The following ARL15 variants were observed in gnomAD, a reference collection of about 807,000 sequenced individuals.
The protein encoded by ARL15 is ARF like GTPase 15.
In ARL15, 19 loss-of-function variants were observed where a neutral mutation model predicts 25.2. The ratio of observed to expected loss-of-function variants is 0.75; its 90% CI spans 0.53 to 1.10. ARL15 has a LOEUF of 1.10. Ranked by LOEUF, ARL15 falls within the 50% of genes least tolerant of loss-of-function variation. The pLI is 0.00. For missense variants in ARL15, 220 were observed against 246.0 expected (o/e 0.89, Z 0.71); for synonymous variants, 94 against 86.8 (o/e 1.08, Z -0.46).
intron 4 of ARL15, among the ~76,000 whole-genome samples, chr5:54,081,402 G>A (rs1047363195): frequency 2.0e-5 from 3 of 151,976 alleles, no homozygotes; most frequent in Non-Finnish European, 2.9e-5. Flanking sequence ...CCTTACCACC[G>A]CTCCATCTGA....
At chr5:54,069,256 T>C (rs1184216912) in intron 4 of ARL15, among the ~76,000 whole-genome samples, 2 of 150,812 alleles carry the variant, frequency 1.3e-5, no homozygotes, top group African/African-American at 5.0e-5. Flanking sequence ...TGAATCTTTG[T>C]CCCCTCCAAA....
intron 4 of ARL15, among the ~76,000 whole-genome samples, chr5:53,928,645 C>T (rs1297872825): frequency 1.3e-5 from 2 of 152,022 alleles, no homozygotes; most frequent in Non-Finnish European, 2.9e-5. Flanking sequence ...CATATTAATC[C>T]TCCCGCCCTC....
At chr5:54,294,342 T>C (rs1371763312) in intron 1 of ARL15, among the ~76,000 whole-genome samples, 2 of 152,196 alleles carry the variant, frequency 1.3e-5, no homozygotes, top group African/African-American at 2.4e-5. Flanking sequence ...TGGAGTTCAG[T>C]AGTTGAAAGA....
At chr5:54,036,804 T>C (rs560903539) in intron 4 of ARL15, among the ~76,000 whole-genome samples, 1 of 152,276 alleles carries the variant, frequency 6.6e-6, no homozygotes, top group South Asian at 2.1e-4. Flanking sequence ...TAAATAGATT[T>C]AGTGTTTTGT....
rs573102815 is a variant in ARL15, at chr5:54,306,468, G to T, written c.48+3964C>A. Among the ~76,000 whole-genome samples the T allele has an allele frequency of 2.1e-5, 3 of 145,456 alleles. No homozygotes were observed. In the East Asian group the frequency reaches 6.0e-4, roughly 29 times the overall value. ...TGGAGTGCAGTTGTGCGATCTCACT[G>T]CAACCTCTGCCTCCTGGGTTCAAGC... is the stretch of plus-strand genomic sequence containing the variant. On this transcript the variant is annotated intron_variant, in intron 1 of 4. Transcript: ENST00000504924.
intron 4 of ARL15, among the ~76,000 whole-genome samples, chr5:54,024,918 G>A (rs1051826635): frequency 5.9e-5 from 9 of 151,904 alleles, no homozygotes; most frequent in Non-Finnish European, 1.0e-4. Flanking sequence ...AAGTTAATGT[G>A]GAATAAACAT....
At chr5:54,186,612 A>G (rs1328507918) in intron 1 of ARL15, among the ~76,000 whole-genome samples, 1 of 152,198 alleles carries the variant, frequency 6.6e-6, no homozygotes, top group Non-Finnish European at 1.5e-5. Flanking sequence ...AAAATTAAAT[A>G]CCAAAAAAAA....
chr5:53,981,445 A>G (rs954163287), intron 4 of ARL15, among the ~76,000 whole-genome samples: 16 of 152,174 alleles, frequency 1.1e-4, no homozygotes, highest in Non-Finnish European at 2.9e-5. Flanking sequence ...TCTTTCTGGG[A>G]GCACACAGGA....
chr5:54,295,053 C>G (rs1758431341), intron 1 of ARL15, among the ~76,000 whole-genome samples: 1 of 152,240 alleles, frequency 6.6e-6, no homozygotes, highest in Non-Finnish European at 1.5e-5. Flanking sequence ...AAATATGCAT[C>G]ACATCTTGCA....
At chr5:54,070,472 A>G (rs1365513496) in intron 4 of ARL15, among the ~76,000 whole-genome samples, 1 of 151,948 alleles carries the variant, frequency 6.6e-6, no homozygotes, top group African/African-American at 2.4e-5. Context: ...CTCTGTAAAG[A>G]GTCCCCACCA....
chr5:54,232,969 A>T (rs554693832), intron 1 of ARL15, among the ~76,000 whole-genome samples: 1 of 152,328 alleles, frequency 6.6e-6, no homozygotes, highest in East Asian at 1.9e-4. Context: ...AACTAATGTC[A>T]TCATACTAAG....
chr5:54,048,757 G>T (rs558084379), intron 4 of ARL15, among the ~76,000 whole-genome samples: 1 of 150,218 alleles, frequency 6.7e-6, no homozygotes, highest in African/African-American at 2.5e-5. Flanking sequence ...CTTCCCCAAA[G>T]GAACCATTTG....
At chr5:53,916,011 A>G (rs1268131811) in intron 4 of ARL15, among the ~76,000 whole-genome samples, 2 of 152,010 alleles carry the variant, frequency 1.3e-5, no homozygotes, top group African/African-American at 4.8e-5. Flanking sequence ...GGCTCAGGAG[A>G]TCCTCTCATC....
intron 2 of ARL15, among the ~76,000 whole-genome samples, chr5:54,159,428 A>T (rs986372528): frequency 6.6e-6 from 1 of 152,202 alleles, no homozygotes; most frequent in African/African-American, 2.4e-5. Context: ...TCTTAGACTC[A>T]CCAGCCACAT....
rs186283976 is a variant in ARL15 at position 54,291,662 on chromosome 5, G to A, written c.48+18770C>T. 3.4e-4 allele frequency among the ~76,000 whole-genome samples: 52 copies of A among 152,214 alleles called. No individual in the cohort carries two copies. The East Asian group carries it at 8.1e-3, about 24-fold the overall frequency. On this transcript the variant is annotated intron_variant, in intron 1 of 4. Transcript: ENST00000504924. ...CACCTAGTGAATCCAAAGCCAAGCC[G>A]CCCACATCTACTACTGGAATGTGGA... is the stretch of plus-strand genomic sequence containing the variant.
intron 4 of ARL15, among the ~76,000 whole-genome samples, chr5:53,985,973 C>T (rs1748285662): frequency 6.6e-6 from 1 of 152,136 alleles, no homozygotes; most frequent in Non-Finnish European, 1.5e-5. Flanking sequence ...TTCGGTGGGG[C>T]TTGGGGATGA....
intron 4 of ARL15, among the ~76,000 whole-genome samples, chr5:54,065,072 C>T (rs2112045086): frequency 1.3e-5 from 2 of 152,186 alleles, no homozygotes; most frequent in Admixed American, 1.3e-4. Flanking sequence ...ATATAATGTA[C>T]ATTAAAATGA....
At chr5:54,076,690 A>G (rs553603144) in intron 4 of ARL15, among the ~76,000 whole-genome samples, 45 of 152,186 alleles carry the variant, frequency 3.0e-4, no homozygotes, top group Non-Finnish European at 6.2e-4. Context: ...CAATGGTACT[A>G]CGTTCTAATA....
intron 4 of ARL15, among the ~76,000 whole-genome samples, chr5:53,995,553 T>C (rs2111686967): frequency 1.3e-5 from 2 of 152,332 alleles, no homozygotes; most frequent in South Asian, 4.1e-4. Context: ...AGAAAACAGT[T>C]ACACTACTAA....
Sources: allele counts gnomAD v4.1 joint callset (sites outside exome capture counted in the v4.1 genomes callset), GRCh38; gene constraint gnomAD v4.1.1; transcripts MANE v1.5; gene names NCBI Gene and HGNC (gene_info 2026-07-23, HGNC 2026-07-21).